Variants in CACNB2 observed in about 807,000 individuals in gnomAD.
CACNB2 encodes the protein calcium voltage-gated channel auxiliary subunit beta 2.
A neutral mutation model predicts 73.3 loss-of-function variants in CACNB2; 42 were observed. The observed-to-expected ratio is 0.57, with a 90% CI of 0.45 to 0.74. The LOEUF (loss-of-function observed/expected upper bound fraction) is 0.74. Among genes scored for constraint, CACNB2 ranks in the 30% least tolerant of loss-of-function variants. The pLI is 0.00. For missense variants in CACNB2, 940 were observed against 853.0 expected (o/e 1.10, Z -1.27); for synonymous variants, 348 against 310.3 (o/e 1.12, Z -1.28).
At chr10:18,406,409 T>C (rs1328259958) in intron 3 of CACNB2, among the ~76,000 whole-genome samples, 1 of 152,158 alleles carries the variant, frequency 6.6e-6, no homozygotes, top group Admixed American at 6.6e-5. Flanking sequence ...GGAAGCTTCA[T>C]CTATATTTAC....
intron 2 of CACNB2, among the ~76,000 whole-genome samples, chr10:18,171,905 A>G (rs2033272291): frequency 6.6e-6 from 1 of 151,926 alleles, no homozygotes; most frequent in Non-Finnish European, 1.5e-5. Context: ...CCACCCCACT[A>G]TGTGCAGAGC....
At chr10:18,325,689 C>CCCTTCCTTCCTTCCTTCCTT (rs1355342877) in intron 2 of CACNB2, among the ~76,000 whole-genome samples, 3 of 89,218 alleles carry the variant, frequency 3.4e-5, no homozygotes, top group African/African-American at 1.3e-4. Flanking sequence ...CTCCCTCCCT[C>CCCTTCCTTCCTTCCTTCCTT]CCTTCCTTCC....
At chr10:18,483,302 C>T (rs972476204) in intron 3 of CACNB2, among the ~76,000 whole-genome samples, 10 of 150,552 alleles carry the variant, frequency 6.6e-5, no homozygotes, top group Non-Finnish European at 1.3e-4. Flanking sequence ...AGGCCGAGGC[C>T]GGTGGATCAC....
chr10:18,233,499 T>TAA (rs960874040), intron 2 of CACNB2, among the ~76,000 whole-genome samples: 5 of 148,006 alleles, frequency 3.4e-5, no homozygotes, highest in African/African-American at 1.2e-4. Flanking sequence ...TTTGTTAGGT[T>TAA]AAAAAAAAAA....
At chr10:18,179,746 A>C (rs929571167) in intron 2 of CACNB2, among the ~76,000 whole-genome samples, 5 of 152,144 alleles carry the variant, frequency 3.3e-5, no homozygotes, top group African/African-American at 9.7e-5. Context: ...GTGCATGCCA[A>C]TATTTAAAAT....
intron 2 of CACNB2, among the ~76,000 whole-genome samples, chr10:18,189,527 CT>C (rs569936712): frequency 6.6e-5 from 10 of 152,232 alleles, no homozygotes; most frequent in African/African-American, 2.4e-4. Context: ...GAACCCTTTT[CT>C]ATTTTGTTCA....
At chr10:18,287,014 C>G (rs542226670) in intron 2 of CACNB2, among the ~76,000 whole-genome samples, 1 of 152,240 alleles carries the variant, frequency 6.6e-6, no homozygotes, top group African/African-American at 2.4e-5. Flanking sequence ...AATATGTAAA[C>G]TAATATAGGC....
chr10:18,357,740 G>T (rs2041980586), intron 2 of CACNB2, among the ~76,000 whole-genome samples: 1 of 152,186 alleles, frequency 6.6e-6, no homozygotes, highest in Non-Finnish European at 1.5e-5. Flanking sequence ...CGTGAGAGGA[G>T]GTGCACATCC....
intron 2 of CACNB2, among the ~76,000 whole-genome samples, chr10:18,351,167 T>G (rs1292190200): frequency 6.6e-6 from 1 of 152,072 alleles, no homozygotes; most frequent in Non-Finnish European, 1.5e-5. Context: ...TTTTTTTCTT[T>G]TTTGCTAAAA....
chr10:18,288,641 A>C (rs935490332), intron 2 of CACNB2, among the ~76,000 whole-genome samples: 15 of 151,712 alleles, frequency 9.9e-5, no homozygotes, highest in African/African-American at 3.4e-4. Context: ...CATAGTTTTT[A>C]GGCAACTATA....
chr10:18,269,773 ACT>A (rs1264582226), intron 2 of CACNB2, among the ~76,000 whole-genome samples: 1 of 150,816 alleles, frequency 6.6e-6, no homozygotes, highest in East Asian at 1.9e-4. Flanking sequence ...CCTCCCTTCC[ACT>A]CTCCCACCAC....
intron 2 of CACNB2, among the ~76,000 whole-genome samples, chr10:18,362,489 T>C (rs959523609): frequency 8.5e-5 from 13 of 152,260 alleles, no homozygotes; most frequent in African/African-American, 3.1e-4. Flanking sequence ...ATTCTATTTT[T>C]GTCATTTTAG....
At chr10:18,235,554 A>G (rs2036409204) in intron 2 of CACNB2, among the ~76,000 whole-genome samples, 2 of 152,230 alleles carry the variant, frequency 1.3e-5, no homozygotes, top group Non-Finnish European at 2.9e-5. Flanking sequence ...TCCTTTTCCA[A>G]GAGACAGAAG....
chr10:18,507,430 T>C (rs1198033412), intron 6 of CACNB2, among the ~76,000 whole-genome samples: 2 of 152,212 alleles, frequency 1.3e-5, no homozygotes, highest in African/African-American at 4.8e-5. Flanking sequence ...CTACTTAAAT[T>C]TGAATTTCAG....
At position 18,540,184 on chromosome 10, in the gene CACNB2, G is replaced by T; in HGVS notation, c.*460G>T. On this transcript the variant is annotated 3_prime_UTR_variant, in exon 14 of 14. Transcript: ENST00000324631. ...CCACTGTTTCTTGCTTGTACCTCTG[G>T]CTGACTAAATTTGGGGACAGATTCA... 1 of 184,502 alleles carries T rather than the reference G, an allele frequency of 5.4e-6. No individual in the cohort carries two copies. The highest frequency in any genetic ancestry group is 1.4e-4 in the East Asian group (1 of 7,040). The allele number at this position is 184,502 out of a possible 1,614,324, so 11.4% of individuals were successfully genotyped here.
chr10:18,247,654 A>G (rs1423265296), intron 2 of CACNB2, among the ~76,000 whole-genome samples: 1 of 152,170 alleles, frequency 6.6e-6, no homozygotes, highest in African/African-American at 2.4e-5. Flanking sequence ...AAATAGCATC[A>G]ATTGGGTGGC....
At chr10:18,529,884 C>T (rs570688131) in intron 10 of CACNB2, among the ~76,000 whole-genome samples, 3 of 152,194 alleles carry the variant, frequency 2.0e-5, no homozygotes, top group African/African-American at 7.2e-5. Flanking sequence ...AAAGACATAC[C>T]CAAGACTGGG....
At chr10:18,287,492 G>A (rs1163921115) in intron 2 of CACNB2, among the ~76,000 whole-genome samples, 1 of 152,128 alleles carries the variant, frequency 6.6e-6, no homozygotes, top group East Asian at 1.9e-4. Context: ...TGTAACAAAA[G>A]CACCAAAAAA....
At chr10:18,477,215 A>G (rs1365755809) in intron 3 of CACNB2, among the ~76,000 whole-genome samples, 1 of 152,072 alleles carries the variant, frequency 6.6e-6, no homozygotes, top group Non-Finnish European at 1.5e-5. Flanking sequence ...GCCTCATAAT[A>G]AATAATAATA....
Sources: allele counts gnomAD v4.1 joint callset (sites outside exome capture counted in the v4.1 genomes callset), GRCh38; gene constraint gnomAD v4.1.1; transcripts MANE v1.5; gene names NCBI Gene and HGNC (gene_info 2026-07-23, HGNC 2026-07-21).